The following SSBP2 variants were observed in gnomAD, a reference collection of about 807,000 sequenced individuals.
The protein encoded by SSBP2 is single-stranded DNA-binding protein 2.
SSBP2 carries 17 observed loss-of-function variants against 61.8 expected under a neutral mutation model. The ratio of observed to expected loss-of-function variants is 0.28; its 90% CI spans 0.19 to 0.41. SSBP2 has a LOEUF of 0.41. SSBP2 is among the 10% of genes least tolerant of loss of function. SSBP2 has a pLI of 1.00. For synonymous variants in SSBP2, 139 were observed against 141.3 expected (o/e 0.98, Z 0.12); for missense variants, 310 against 458.7 (o/e 0.68, Z 2.96).
chr5:81,688,540 C>T (rs554135657), intron 1 of SSBP2, among the ~76,000 whole-genome samples: 6 of 152,298 alleles, frequency 3.9e-5, no homozygotes, highest in Non-Finnish European at 5.9e-5. Context: ...TCACCCCTCA[C>T]GCAGCTCCAG....
chr5:81,531,232 AAAAAAAAAAAG>A lies in SSBP2; in HGVS notation c.283-17526_283-17516del, dbSNP rs1160853121. Among the ~76,000 whole-genome samples, 249 of 151,000 alleles carry A rather than the reference AAAAAAAAAAAG, an allele frequency of 1.6e-3. 1 individual carries two copies. Among genetic ancestry groups the A allele is most frequent in the African/African-American group, 4.9e-3 (204 of 41,218 alleles). On this transcript the variant is annotated intron_variant, in intron 4 of 16. Coordinates refer to ENST00000320672, the MANE Select transcript of SSBP2 (RefSeq NM_012446.5). ...TGGCAGAGTAAGACCCTGTCTGGAA[AAAAAAAAAAAG>A]AAAAAAAAAAAGAAAGAAGATAATT... is the stretch of plus-strand genomic sequence containing the variant.
At chr5:81,476,154 C>A (rs1765576437) in intron 6 of SSBP2, among the ~76,000 whole-genome samples, 1 of 152,010 alleles carries the variant, frequency 6.6e-6, no homozygotes, top group Admixed American at 6.6e-5. Context: ...AGACATGATA[C>A]CTCATTACCC....
chr5:81,670,328 A>G (rs1213043160), intron 1 of SSBP2, among the ~76,000 whole-genome samples: 1 of 152,164 alleles, frequency 6.6e-6, no homozygotes, highest in Admixed American at 6.6e-5. Flanking sequence ...AAAAGTTAAA[A>G]TTTATTTTAA....
chr5:81,605,187 GCT>G (rs3990921), intron 4 of SSBP2, among the ~76,000 whole-genome samples: 24,704 of 151,982 alleles, frequency 0.16, 2,205 homozygotes, highest in Non-Finnish European at 0.21. Context: ...GAGTTCTTAT[GCT>G]CTTATTCTTG....
intron 4 of SSBP2, among the ~76,000 whole-genome samples, chr5:81,554,084 TAACA>T (rs1772410314): frequency 6.6e-6 from 1 of 152,106 alleles, no homozygotes; most frequent in South Asian, 2.1e-4. Flanking sequence ...CTTGCATAAG[TAACA>T]AAAACAGATT....
At chr5:81,544,080 C>T (rs377391613) in intron 4 of SSBP2, among the ~76,000 whole-genome samples, 3 of 152,298 alleles carry the variant, frequency 2.0e-5, no homozygotes, top group East Asian at 1.9e-4. Flanking sequence ...GACGGAGTCT[C>T]GCTCTGTGGC....
At position 81,466,995 on chromosome 5, in the gene SSBP2, G is replaced by T. The variant is rs748311223; in HGVS notation, c.617C>A (p.Pro206His). ...TTACATGTTCATTCCAGGCATTCCAGGGCCACCTAAAGCATTCAGTGGGGG... is the reference window on the plus strand; with the variant it reads ...TTACATGTTCATTCCAGGCATTCCATGGCCACCTAAAGCATTCAGTGGGGG... Residue 206 changes from proline (P) to histidine (H), a missense_variant, in exon 9 of 17, where the codon CCT (proline) becomes CAT (histidine). Pro to His is a moderately conservative substitution (Grantham distance 77, BLOSUM62 -2). Transcript: ENST00000320672. The T allele has an allele frequency of 1.2e-6, 2 of 1,608,590 alleles. No homozygotes were observed. The highest frequency in any genetic ancestry group is 3.3e-5 in the Admixed American group (2 of 59,924).
At chr5:81,616,884 T>G (rs1581177622) in intron 3 of SSBP2, among the ~76,000 whole-genome samples, 2 of 151,990 alleles carry the variant, frequency 1.3e-5, no homozygotes, top group South Asian at 4.2e-4. Flanking sequence ...GACCTACAGC[T>G]GAGGGTCCTG....
At chr5:81,565,979 A>T (rs1773390749) in intron 4 of SSBP2, among the ~76,000 whole-genome samples, 1 of 152,198 alleles carries the variant, frequency 6.6e-6, no homozygotes. Context: ...TCATTTCATC[A>T]ATCACTTAGT....
Position 81,625,316 on chromosome 5 carries a change from A to G in SSBP2, c.198-9759T>C, listed in dbSNP as rs75892630. On this transcript the variant is annotated intron_variant, in intron 3 of 16. Transcript: ENST00000320672. ...TGTTCCTTTATCTCCAAGAGGGCCAAGCTCAGAAAATTTTGAACCTCTAAA... is the reference window on the plus strand; with the variant it reads ...TGTTCCTTTATCTCCAAGAGGGCCAGGCTCAGAAAATTTTGAACCTCTAAA... Among the ~76,000 whole-genome samples the G allele has an allele frequency of 2.9e-3, 440 of 152,236 alleles. 2 individuals are homozygous for G. Among genetic ancestry groups the G allele is most frequent in the African/African-American group, 9.2e-3 (384 of 41,540 alleles).
At chr5:81,435,023 C>T (rs977855158) in intron 15 of SSBP2, among the ~76,000 whole-genome samples, 1 of 152,058 alleles carries the variant, frequency 6.6e-6, no homozygotes, top group African/African-American at 2.4e-5. Context: ...ACCCAGGGGT[C>T]GGCCAGCTTA....
At chr5:81,605,282 GA>G (rs557950411) in intron 4 of SSBP2, among the ~76,000 whole-genome samples, 114 of 152,110 alleles carry the variant, frequency 7.5e-4, no homozygotes, top group Middle Eastern at 3.4e-3. Flanking sequence ...CTTTTTTCTA[GA>G]AATATTTAAT....
At chr5:81,494,559 T>C (rs1180483148) in intron 5 of SSBP2, among the ~76,000 whole-genome samples, 1 of 152,196 alleles carries the variant, frequency 6.6e-6, no homozygotes, top group Non-Finnish European at 1.5e-5. Flanking sequence ...ATCTCTTTCC[T>C]TCTGCCATGT....
At chr5:81,513,954 G>C (rs1020727834) in intron 4 of SSBP2, among the ~76,000 whole-genome samples, 1 of 152,092 alleles carries the variant, frequency 6.6e-6, no homozygotes, top group African/African-American at 2.4e-5. Flanking sequence ...AAATAATGTG[G>C]TATATTTTGA....
At chr5:81,570,671 C>T (rs946064621) in intron 4 of SSBP2, among the ~76,000 whole-genome samples, 1 of 150,250 alleles carries the variant, frequency 6.7e-6, no homozygotes, top group Non-Finnish European at 1.5e-5. Flanking sequence ...GCAGGGTCAC[C>T]CACAGAAAGC....
At chr5:81,691,328 TAA>T (rs1473108945) in intron 1 of SSBP2, among the ~76,000 whole-genome samples, 1 of 151,578 alleles carries the variant, frequency 6.6e-6, no homozygotes, top group Non-Finnish European at 1.5e-5. Flanking sequence ...AGACTAAGAA[TAA>T]AAGAGAGAAG....
chr5:81,649,791 AAAAG>A (rs1284547133), intron 2 of SSBP2, among the ~76,000 whole-genome samples: 15 of 152,232 alleles, frequency 9.9e-5, no homozygotes, highest in East Asian at 5.8e-4. Context: ...ATTAAAAAAA[AAAAG>A]AAAGAAAGTG....
intron 4 of SSBP2, among the ~76,000 whole-genome samples, chr5:81,564,980 C>A (rs577850901): frequency 1.3e-5 from 2 of 152,282 alleles, no homozygotes; most frequent in African/African-American, 4.8e-5. Context: ...CATGGCCTTG[C>A]AAAGAACCAA....
chr5:81,480,024 G>A (rs1229415064), intron 6 of SSBP2, among the ~76,000 whole-genome samples: 1 of 151,996 alleles, frequency 6.6e-6, no homozygotes, highest in African/African-American at 2.4e-5. Flanking sequence ...GTCTTCCATA[G>A]TTATACTATT....
Sources: gnomAD v4.1 joint callset for allele counts (sites outside exome capture counted in the v4.1 genomes callset) on GRCh38, gnomAD v4.1.1 for gene constraint, MANE v1.5 for transcripts, NCBI Gene and HGNC (gene_info 2026-07-23, HGNC 2026-07-21) for gene names.